Variants in MDM1 observed in about 807,000 individuals in gnomAD.
MDM1 encodes the protein stabilizer of axonemal microtubules 6, also known as Mdm1 nuclear protein.
A neutral mutation model predicts 89.1 loss-of-function variants in MDM1; 61 were observed. That is an observed-to-expected ratio of 0.68 (90% CI 0.56 to 0.85). The LOEUF is 0.85. Among genes scored for constraint, MDM1 ranks in the 40% least tolerant of loss-of-function variants. The probability of loss-of-function intolerance (pLI) is 0.00; values close to 1 mark genes in which losing one functional copy is unlikely to be tolerated. For synonymous variants in MDM1, 290 were observed against 294.1 expected (o/e 0.99, Z 0.14); for missense variants, 820 against 846.5 (o/e 0.97, Z 0.39).
chr12:68,311,583 C>T (rs1873697909), intron 12 of MDM1, among the ~76,000 whole-genome samples: 1 of 152,220 alleles, frequency 6.6e-6, no homozygotes, highest in Admixed American at 6.5e-5. Flanking sequence ...CCTTCCATAT[C>T]TCCACCAGAT....
intron 2 of MDM1, among the ~76,000 whole-genome samples, chr12:68,328,688 G>A (rs969893403): frequency 2.1e-4 from 32 of 152,100 alleles, no homozygotes; most frequent in Non-Finnish European, 8.8e-5. Context: ...CTTTAACACA[G>A]AGGCAGGTTT....
At chr12:68,329,688 T>C (rs905529075) in intron 2 of MDM1, among the ~76,000 whole-genome samples, 1 of 152,196 alleles carries the variant, frequency 6.6e-6, no homozygotes, top group Non-Finnish European at 1.5e-5. Flanking sequence ...AGGCCTGTGT[T>C]AGGTACTGGG....
In MDM1 at chr12:68,302,764, C is replaced by T; in HGVS notation, c.1858G>A (p.Glu620Lys). Residue 620 changes from glutamate (E) to lysine (K), a missense_variant, in exon 13 of 15, where the codon GAG (glutamate) becomes AAG (lysine). Glu to Lys is a moderately conservative substitution (Grantham distance 56). Coordinates refer to ENST00000682720, the MANE Select transcript of MDM1 (RefSeq NM_001354969.2). The stretch of plus-strand genomic sequence containing the variant: ...ATTTTTGAAACTGGAAGAGTTGCCT[C>T]AGCAAATTTGTGGATATTGTCTTCA... ...DSEDNIHKFAEATLPVSKIPK... is the reference protein window; with the variant it reads ...DSEDNIHKFAKATLPVSKIPK... The T allele has an allele frequency of 6.2e-7, 1 of 1,613,294 alleles. No individual in the cohort carries two copies. Among genetic ancestry groups the T allele is most frequent in the Non-Finnish European group, 8.5e-7 (1 of 1,179,954 alleles).
intron 1 of MDM1, among the ~76,000 whole-genome samples, chr12:68,331,436 A>C (rs1267970221): frequency 6.6e-6 from 1 of 152,224 alleles, no homozygotes; most frequent in Non-Finnish European, 1.5e-5. Flanking sequence ...CACTTGAGGC[A>C]GATGCTACCA....
chr12:68,316,528 AATTACAC>A, intron 8 of MDM1, 46 bp downstream of exon 8: 9 of 1,417,414 alleles, frequency 6.3e-6, no homozygotes. Context: ...TTCCAACTGA[AATTACAC>A]AAGTAATCTA....
intron 5 of MDM1, among the ~76,000 whole-genome samples, chr12:68,322,869 C>T (rs1335524416): frequency 2.0e-5 from 3 of 152,174 alleles, no homozygotes; most frequent in African/African-American, 2.4e-5. Flanking sequence ...AGCCCAAGAG[C>T]TGCTTGGGGC....
intron 12 of MDM1, among the ~76,000 whole-genome samples, chr12:68,305,947 C>T (rs185188411): frequency 7.0e-6 from 1 of 143,788 alleles, no homozygotes; most frequent in East Asian, 2.0e-4. Flanking sequence ...CAAAGCAATC[C>T]TAAGCAAAAA....
At chr12:68,297,068 T>A in intron 13 of MDM1, 86 bp from the exon 14 acceptor site, 1 of 863,744 alleles carries the variant, frequency 1.2e-6, no homozygotes, top group South Asian at 2.5e-5. Flanking sequence ...TTAGTAAAAG[T>A]AGGCTGTCAG....
intron 12 of MDM1, among the ~76,000 whole-genome samples, chr12:68,305,716 G>A (rs538753570): frequency 2.0e-5 from 3 of 152,056 alleles, no homozygotes; most frequent in Non-Finnish European, 4.4e-5. Flanking sequence ...ATCTCCCCAT[G>A]AACTACAAAA....
At chr12:68,297,038 C>G in intron 13 of MDM1, 56 bp from the exon 14 acceptor site, 1 of 1,310,440 alleles carries the variant, frequency 7.6e-7, no homozygotes, top group African/African-American at 1.5e-5. Flanking sequence ...AACAGCTTAT[C>G]TCAATTATAT....
chr12:68,295,563 T>G (rs1320435271), intron 14 of MDM1, among the ~76,000 whole-genome samples, 197 bp from the exon 15 acceptor site: 1 of 152,360 alleles, frequency 6.6e-6, no homozygotes, highest in East Asian at 1.9e-4. Context: ...AGGTTTATCA[T>G]ATATAGAAAT....
At chr12:68,321,737 A>C in intron 5 of MDM1, 109 bp from the exon 6 acceptor site, 1 of 653,812 alleles carries the variant, frequency 1.5e-6, no homozygotes, top group Non-Finnish European at 2.5e-6. Flanking sequence ...TTCTATTTTT[A>C]GAAGCTTTAG....
chr12:68,296,943 T>C lies in MDM1; in HGVS notation c.2042A>G (p.His681Arg). The change falls in exon 14 of 15, where the codon CAT becomes CGT. Residue 681 changes from histidine to arginine, a missense_variant. Transcript: ENST00000682720. ...AATACCTTCATCATTAAAGGCTTCA[T>C]GTTGAGGTAACTGCAAATTGTTCAT... ...ARMNNLQLPQ[H>R]EAFNDEDEDR... The C allele has an allele frequency of 6.3e-7, 1 of 1,592,498 alleles. No homozygotes were observed. The highest frequency in any genetic ancestry group is 8.5e-7 in the Non-Finnish European group (1 of 1,172,028).
At chr12:68,313,200 G>C (rs541910228) in intron 12 of MDM1, among the ~76,000 whole-genome samples, 66 of 152,282 alleles carry the variant, frequency 4.3e-4, no homozygotes, top group African/African-American at 1.5e-3. Flanking sequence ...CTCAATGAAA[G>C]TATTGCTTTC....
intron 13 of MDM1, among the ~76,000 whole-genome samples, 189 bp from the exon 14 acceptor site, chr12:68,297,171 C>T (rs1163439245): frequency 1.3e-5 from 2 of 151,860 alleles, no homozygotes; most frequent in Non-Finnish European, 2.9e-5. Context: ...TAGAAATTAC[C>T]ATAAAAGGGC....
At chr12:68,309,354 A>G (rs953296199) in intron 12 of MDM1, among the ~76,000 whole-genome samples, 3 of 152,222 alleles carry the variant, frequency 2.0e-5, no homozygotes, top group Non-Finnish European at 4.4e-5. Flanking sequence ...TCAAAGAAGC[A>G]TCATTGACTT....
At chr12:68,299,800 G>C (rs1168721538) in intron 13 of MDM1, among the ~76,000 whole-genome samples, 1 of 152,198 alleles carries the variant, frequency 6.6e-6, no homozygotes, top group Admixed American at 6.5e-5. Context: ...GGCCTTGCTA[G>C]AGATTTAAAT....
chr12:68,306,774 T>C (rs1221551699), intron 12 of MDM1, among the ~76,000 whole-genome samples: 1 of 152,144 alleles, frequency 6.6e-6, no homozygotes, highest in Non-Finnish European at 1.5e-5. Context: ...GCAACCCCTT[T>C]GGAAAGCAAT....
At chr12:68,298,750 T>C (rs1212270604) in intron 13 of MDM1, among the ~76,000 whole-genome samples, 1 of 152,180 alleles carries the variant, frequency 6.6e-6, no homozygotes, top group Admixed American at 6.5e-5. Context: ...CAGTGGGTAT[T>C]GCATTCACCC....
Sources: gnomAD v4.1 joint callset for allele counts (sites outside exome capture counted in the v4.1 genomes callset) on GRCh38, gnomAD v4.1.1 for gene constraint, MANE v1.5 for transcripts, NCBI Gene and HGNC (gene_info 2026-07-23, HGNC 2026-07-21) for gene names.